Variants in SDK1 observed in about 807,000 individuals in gnomAD.
The protein encoded by SDK1 is sidekick cell adhesion molecule 1, also known as protein sidekick-1.
SDK1 carries 157 observed loss-of-function variants against 245.5 expected under a neutral mutation model. That is an observed-to-expected ratio of 0.64 (90% CI 0.56 to 0.73). SDK1 has a LOEUF of 0.73. SDK1 is among the 30% of genes least tolerant of loss of function. The probability of loss-of-function intolerance (pLI) is 0.00; values close to 1 mark genes in which losing one functional copy is unlikely to be tolerated. For synonymous variants in SDK1, 1,647 were observed against 1,278.5 expected (o/e 1.29, Z -6.15); for missense variants, 3,583 against 3,002.3 (o/e 1.19, Z -4.52).
chr7:3,312,207 A>G (rs1358270432), intron 1 of SDK1, among the ~76,000 whole-genome samples: 1 of 152,210 alleles, frequency 6.6e-6, no homozygotes, highest in Non-Finnish European at 1.5e-5. Flanking sequence ...GCTGAGACAA[A>G]TTAGCATAAA....
chr7:3,915,913 C>G (rs1263379139), intron 5 of SDK1, among the ~76,000 whole-genome samples: 5 of 152,166 alleles, frequency 3.3e-5, no homozygotes, highest in Non-Finnish European at 7.3e-5. Context: ...CATTCTTGAT[C>G]ACTTTATTAA....
intron 5 of SDK1, among the ~76,000 whole-genome samples, chr7:3,837,530 G>A (rs778816581): frequency 1.3e-5 from 2 of 152,210 alleles, no homozygotes; most frequent in Admixed American, 6.5e-5. Context: ...GTTTTTGGAT[G>A]AGAGGTTGCC....
intron 4 of SDK1, among the ~76,000 whole-genome samples, chr7:3,806,880 A>T (rs1055999756): frequency 6.6e-6 from 1 of 151,916 alleles, no homozygotes; most frequent in Non-Finnish European, 1.5e-5. Flanking sequence ...GTTGTCTGGG[A>T]ACTAAGAGTG....
chr7:3,443,665 A>G (rs1328060626), intron 1 of SDK1, among the ~76,000 whole-genome samples: 6 of 152,232 alleles, frequency 3.9e-5, no homozygotes, highest in African/African-American at 1.2e-4. Context: ...ATTTGTGCTT[A>G]CTTTCTTCAT....
At chr7:3,360,455 A>T (rs946970157) in intron 1 of SDK1, among the ~76,000 whole-genome samples, 1 of 152,326 alleles carries the variant, frequency 6.6e-6, no homozygotes, top group East Asian at 1.9e-4. Flanking sequence ...CCAGGCTTAT[A>T]ATGTTATTGA....
chr7:4,172,794 G>A (rs1178954324), intron 32 of SDK1, among the ~76,000 whole-genome samples: 5 of 152,116 alleles, frequency 3.3e-5, no homozygotes, highest in African/African-American at 1.2e-4. Context: ...ACTTATGGAC[G>A]CGTTACTCCA....
At position 4,026,020 on chromosome 7, in the gene SDK1, G is replaced by A. The variant is rs972900384; in HGVS notation, c.2602+8668G>A. On this transcript the variant is annotated intron_variant, in intron 17 of 44. Transcript: ENST00000404826. The surrounding 1 kb of genome is among the most constrained non-coding windows in gnomAD (Gnocchi z 4.1). ...AATCCGGGACTGCAGCCCAGAAGGC[G>A]CATGGGGAAATTAGGTCCACGAACG... Among the ~76,000 whole-genome samples the A allele has an allele frequency of 6.6e-6, 1 of 152,228 alleles. No individual in the cohort carries two copies. Among genetic ancestry groups the A allele is most frequent in the Non-Finnish European group, 1.5e-5 (1 of 68,046 alleles).
At chr7:4,171,535 T>C (rs1781837857) in intron 32 of SDK1, among the ~76,000 whole-genome samples, 1 of 152,194 alleles carries the variant, frequency 6.6e-6, no homozygotes, top group Non-Finnish European at 1.5e-5. Flanking sequence ...AGTCCCGGGC[T>C]CTGGTTCGGC....
At chr7:3,504,832 C>G (rs182921929) in intron 1 of SDK1, among the ~76,000 whole-genome samples, 3 of 150,690 alleles carry the variant, frequency 2.0e-5, no homozygotes, top group Admixed American at 2.0e-4. Flanking sequence ...GGTGCAACCA[C>G]TTTGGAAAAC....
intron 44 of SDK1, 95 bp downstream of exon 44, chr7:4,245,900 C>G (rs1020522378): frequency 6.9e-7 from 1 of 1,443,288 alleles, no homozygotes; most frequent in Non-Finnish European, 9.6e-7. Context: ...CTATTTGAGT[C>G]TCATAACATC....
Position 3,431,628 on chromosome 7 carries a change from T to C in SDK1, c.298+129744T>C, listed in dbSNP as rs1416240311. Among the ~76,000 whole-genome samples the C allele has an allele frequency of 2.0e-5, 3 of 152,152 alleles. No individual in the cohort carries two copies. In the East Asian group the frequency reaches 5.8e-4, roughly 29 times the overall value. ...AGAATCAAACTTTTGTGGTAATCTT[T>C]TATTGTAATCTACTTTCAGCTCAGA... is the stretch of plus-strand genomic sequence containing the variant. On this transcript the variant is annotated intron_variant, in intron 1 of 44. Coordinates refer to ENST00000404826, the MANE Select transcript of SDK1 (RefSeq NM_152744.4).
intron 5 of SDK1, among the ~76,000 whole-genome samples, chr7:3,853,040 T>G (rs1465592893): frequency 6.6e-6 from 1 of 152,030 alleles, no homozygotes; most frequent in Non-Finnish European, 1.5e-5. Context: ...ATCCCTCCAT[T>G]CCAGGACCCC....
intron 1 of SDK1, among the ~76,000 whole-genome samples, chr7:3,585,322 A>G (rs1033831926): frequency 2.6e-5 from 4 of 152,254 alleles, no homozygotes; most frequent in African/African-American, 9.6e-5. Flanking sequence ...GAGAGGAAAC[A>G]GGTAGTTGAT....
intron 4 of SDK1, among the ~76,000 whole-genome samples, chr7:3,689,426 G>A (rs1340033165): frequency 1.3e-5 from 2 of 152,212 alleles, no homozygotes; most frequent in African/African-American, 4.8e-5. Context: ...AAGCTAAGCA[G>A]GGTGGAACAG....
At chr7:3,671,678 T>A (rs1783705790) in intron 4 of SDK1, among the ~76,000 whole-genome samples, 2 of 152,234 alleles carry the variant, frequency 1.3e-5, no homozygotes, top group African/African-American at 4.8e-5. Context: ...TCAAACACTT[T>A]TCATTGTAGA....
chr7:3,958,447 G>A (rs1562572739), intron 7 of SDK1, among the ~76,000 whole-genome samples: 2 of 152,098 alleles, frequency 1.3e-5, no homozygotes, highest in Non-Finnish European at 2.9e-5. Flanking sequence ...TTATTATTTG[G>A]TATTCCATTG....
chr7:4,234,738 T>C (rs1409458209), intron 41 of SDK1, among the ~76,000 whole-genome samples: 1 of 152,180 alleles, frequency 6.6e-6, no homozygotes, highest in African/African-American at 2.4e-5. Context: ...CAGGCGTGAC[T>C]TTCTTTACCC....
At chr7:4,228,911 C>T (rs1390488951) in intron 40 of SDK1, among the ~76,000 whole-genome samples, 1 of 152,150 alleles carries the variant, frequency 6.6e-6, no homozygotes, top group African/African-American at 2.4e-5. Flanking sequence ...CCGGACATCC[C>T]AGAGAGCTGA....
intron 1 of SDK1, among the ~76,000 whole-genome samples, chr7:3,397,483 C>G (rs548329271): frequency 2.7e-5 from 4 of 150,766 alleles, no homozygotes; most frequent in East Asian, 2.0e-4. Flanking sequence ...TTTTCTTTCC[C>G]CCCCCCAGCG....
Sources: allele counts gnomAD v4.1 joint callset (sites outside exome capture counted in the v4.1 genomes callset), GRCh38; gene constraint gnomAD v4.1.1; non-coding constraint Gnocchi (gnomAD v3.1); transcripts MANE v1.5; gene names NCBI Gene and HGNC (gene_info 2026-07-23, HGNC 2026-07-21).